The following TAFA1 variants were observed in gnomAD, a reference collection of about 807,000 sequenced individuals.
The protein encoded by TAFA1 is TAFA chemokine like family member 1, also known as chemokine-like protein TAFA-1.
Under a neutral mutation model 18.5 loss-of-function variants are expected in TAFA1, and 4 were observed. The ratio of observed to expected loss-of-function variants is 0.22; its 90% CI spans 0.11 to 0.49. The LOEUF is 0.49. Ranked by LOEUF, TAFA1 falls within the 20% of genes least tolerant of loss-of-function variation. TAFA1 has a pLI of 0.98. For missense variants in TAFA1, 147 were observed against 169.0 expected, an observed-to-expected ratio of 0.87 and a Z score of 0.72; for synonymous variants, 56 against 55.2, an observed-to-expected ratio of 1.01 and a Z score of -0.06.
chr3:68,126,404 G>A (rs2065465447), intron 2 of TAFA1, among the ~76,000 whole-genome samples: 2 of 152,338 alleles, frequency 1.3e-5, no homozygotes, highest in Admixed American at 1.3e-4. Context: ...GGTAAAGGAT[G>A]TCAAAATCTT....
intron 2 of TAFA1, among the ~76,000 whole-genome samples, chr3:68,029,218 C>T (rs1234436776): frequency 2.6e-5 from 4 of 152,232 alleles, no homozygotes; most frequent in Non-Finnish European, 5.9e-5. Flanking sequence ...GGGATTAGGA[C>T]ATGGACACAT....
At chr3:68,321,439 A>G (rs1319207827) in intron 2 of TAFA1, among the ~76,000 whole-genome samples, 5 of 152,194 alleles carry the variant, frequency 3.3e-5, no homozygotes, top group Non-Finnish European at 5.9e-5. Flanking sequence ...TTGGAGAGAA[A>G]GAAAGAGGGA....
intron 2 of TAFA1, among the ~76,000 whole-genome samples, chr3:68,144,775 C>A (rs2106908974): frequency 6.6e-6 from 1 of 152,244 alleles, no homozygotes; most frequent in South Asian, 2.1e-4. Flanking sequence ...AGTAAAAGTG[C>A]AGTTTTCAGA....
chr3:68,523,281 A>G (rs1307557551), intron 3 of TAFA1, among the ~76,000 whole-genome samples: 1 of 152,148 alleles, frequency 6.6e-6, no homozygotes, highest in Non-Finnish European at 1.5e-5. Flanking sequence ...TTTCCCAGAA[A>G]CCTAACATTT....
chr3:68,432,940 C>T (rs1216439596), intron 3 of TAFA1, among the ~76,000 whole-genome samples: 1 of 151,926 alleles, frequency 6.6e-6, no homozygotes, highest in East Asian at 1.9e-4. Flanking sequence ...ATAGAGACTC[C>T]CTAGGTTACT....
At chr3:68,099,623 C>T (rs1231182077) in intron 2 of TAFA1, among the ~76,000 whole-genome samples, 1 of 152,054 alleles carries the variant, frequency 6.6e-6, no homozygotes, top group African/African-American at 2.4e-5. Context: ...AACTACCATT[C>T]AACCCAACAA....
At chr3:68,504,865 G>A (rs1345701497) in intron 3 of TAFA1, among the ~76,000 whole-genome samples, 1 of 152,132 alleles carries the variant, frequency 6.6e-6, no homozygotes, top group Non-Finnish European at 1.5e-5. Flanking sequence ...AGGGATCAAA[G>A]TATGATCAAG....
rs190988659 is a variant in TAFA1 at position 68,348,808 on chromosome 3, C to A, written c.119-68472C>A. 2.2e-3 allele frequency among the ~76,000 whole-genome samples: 341 copies of A among 152,120 alleles called. 3 individuals carry two copies. Among genetic ancestry groups the A allele is most frequent in the African/African-American group, 7.4e-3 (308 of 41,530 alleles). On this transcript the variant is annotated intron_variant, in intron 2 of 4. Coordinates refer to ENST00000478136, the MANE Select transcript of TAFA1 (RefSeq NM_213609.4). ...CATGCAATGTAAGAATGAATTACTGCAATCAGTCAAAGAGATCACATTAGT... is the reference window on the plus strand; with the variant it reads ...CATGCAATGTAAGAATGAATTACTGAAATCAGTCAAAGAGATCACATTAGT...
In TAFA1 at chr3:68,091,889, C is replaced by T. The variant is rs541524919; in HGVS notation, c.118+85145C>T. Among the ~76,000 whole-genome samples, 3 of 152,262 alleles carry T rather than the reference C, an allele frequency of 2.0e-5. No homozygotes were observed. In the South Asian group the frequency reaches 6.2e-4, roughly 32 times the overall value. ...GGCCACAAAAAATGACCAAGTATCT[C>T]CTATAACAGTTTGAATGACTGCTGG... On this transcript the variant is annotated intron_variant, in intron 2 of 4. Transcript: ENST00000478136.
chr3:68,278,316 C>G (rs748420559), intron 2 of TAFA1, among the ~76,000 whole-genome samples: 1 of 152,112 alleles, frequency 6.6e-6, no homozygotes, highest in African/African-American at 2.4e-5. Flanking sequence ...TTCACATACA[C>G]TCAAAAGTAG....
At chr3:68,290,454 G>T (rs565062173) in intron 2 of TAFA1, among the ~76,000 whole-genome samples, 1 of 152,184 alleles carries the variant, frequency 6.6e-6, no homozygotes, top group Admixed American at 6.5e-5. Flanking sequence ...CTCAAGGGCA[G>T]TTCCCCCATG....
chr3:68,190,786 C>T (rs1260794214), intron 2 of TAFA1, among the ~76,000 whole-genome samples: 1 of 151,604 alleles, frequency 6.6e-6, no homozygotes, highest in East Asian at 1.9e-4. Flanking sequence ...TCTTTATGAA[C>T]CATGGAAAGA....
chr3:68,073,155 C>T (rs2064778271), intron 2 of TAFA1, among the ~76,000 whole-genome samples: 1 of 152,306 alleles, frequency 6.6e-6, no homozygotes, highest in South Asian at 2.1e-4. Flanking sequence ...GCAGAAGAGA[C>T]CTCCTTTGAG....
intron 2 of TAFA1, among the ~76,000 whole-genome samples, chr3:68,384,499 T>A (rs1316708523): frequency 6.6e-6 from 1 of 152,152 alleles, no homozygotes; most frequent in Non-Finnish European, 1.5e-5. Context: ...TTGTTTTGAT[T>A]TCTAATTTCA....
At chr3:68,371,918 C>T (rs905798745) in intron 2 of TAFA1, among the ~76,000 whole-genome samples, 2 of 152,136 alleles carry the variant, frequency 1.3e-5, no homozygotes, top group African/African-American at 4.8e-5. Flanking sequence ...TGATCCAGTG[C>T]TGCTCAACCT....
At chr3:68,291,028 T>TCA (rs1408802730) in intron 2 of TAFA1, among the ~76,000 whole-genome samples, 1 of 152,164 alleles carries the variant, frequency 6.6e-6, no homozygotes, top group African/African-American at 2.4e-5. Flanking sequence ...AGCCTTAGTG[T>TCA]CACTGTGAAC....
intron 3 of TAFA1, among the ~76,000 whole-genome samples, chr3:68,499,789 G>C (rs1397159183): frequency 6.6e-6 from 1 of 150,630 alleles, no homozygotes; most frequent in East Asian, 2.0e-4. Context: ...TTTTGAAAAT[G>C]TATGTCTGTC....
At chr3:68,405,817 G>A (rs1367462733) in intron 2 of TAFA1, among the ~76,000 whole-genome samples, 1 of 148,766 alleles carries the variant, frequency 6.7e-6, no homozygotes, top group African/African-American at 2.5e-5. Context: ...AGAAATTTGG[G>A]GTCTTTGCAA....
chr3:68,051,136 G>T, intron 2 of TAFA1, among the ~76,000 whole-genome samples: 1 of 152,010 alleles, frequency 6.6e-6, no homozygotes, highest in East Asian at 1.9e-4. Context: ...AAATATACCT[G>T]GCTCGTAGGG....
Sources: allele counts gnomAD v4.1 joint callset (sites outside exome capture counted in the v4.1 genomes callset), GRCh38; gene constraint gnomAD v4.1.1; transcripts MANE v1.5; gene names NCBI Gene and HGNC (gene_info 2026-07-23, HGNC 2026-07-21).